COL5A1: variants seen among roughly 807,000 people sequenced by gnomAD.
COL5A1 encodes collagen alpha-1(V) chain.
COL5A1 carries 16 observed loss-of-function variants against 263.7 expected under a neutral mutation model. That is an observed-to-expected ratio of 0.06 (90% confidence interval 0.04 to 0.09). COL5A1 has a LOEUF of 0.09. Ranked by LOEUF, COL5A1 falls within the 10% of genes least tolerant of loss-of-function variation. COL5A1 has a pLI of 1.00. For missense variants in COL5A1, 2,036 were observed against 2,540.5 expected, an observed-to-expected ratio of 0.80 and a Z score of 4.27; for synonymous variants, 1,012 against 1,004.5, an observed-to-expected ratio of 1.01 and a Z score of -0.14.
intron 1 of COL5A1, among the ~76,000 whole-genome samples, chr9:134,674,386 G>T (rs959020950): frequency 6.6e-6 from 1 of 152,116 alleles, no homozygotes; most frequent in Non-Finnish European, 1.5e-5. Flanking sequence ...CACGAAAGAC[G>T]CAGGGGACAC....
In COL5A1 at chr9:134,713,702, T is replaced by A. The variant is rs538681166; in HGVS notation, c.654+12369T>A. ...TGGGTGTCAAACCCATTAACGATCA[T>A]CAGTGTGGTGTGGCGGCCACAGGAA... On this transcript the variant is annotated intron_variant, in intron 4 of 65. Transcript: ENST00000371817. Among the ~76,000 whole-genome samples the A allele has an allele frequency of 3.3e-5, 5 of 152,274 alleles. No individual in the cohort carries two copies. In the East Asian group the frequency reaches 9.6e-4, roughly 29 times the overall value.
At chr9:134,822,004 G>A in intron 58 of COL5A1, 93 bp from the exon 59 acceptor site, 1 of 1,108,028 alleles carries the variant, frequency 9.0e-7, no homozygotes. Context: ...GAAGGGACAG[G>A]GGAGCCGAGG....
intron 1 of COL5A1, among the ~76,000 whole-genome samples, chr9:134,662,091 C>CTT (rs1489620627): frequency 6.8e-6 from 1 of 146,988 alleles, no homozygotes; most frequent in East Asian, 2.0e-4. Context: ...TTACTGGGCT[C>CTT]TAAGTATGTG....
intron 2 of COL5A1, among the ~76,000 whole-genome samples, chr9:134,693,746 C>G (rs1311401919): frequency 6.6e-6 from 1 of 152,246 alleles, no homozygotes. Flanking sequence ...GGACTCTGTC[C>G]ACCCCACTTG....
intron 37 of COL5A1, among the ~76,000 whole-genome samples, chr9:134,800,603 G>A (rs1482910107): frequency 6.6e-6 from 1 of 152,100 alleles, no homozygotes; most frequent in East Asian, 1.9e-4. Flanking sequence ...AAATTAGCCA[G>A]GCATGGTGGC....
chr9:134,667,721 G>T (rs1484020196), intron 1 of COL5A1, among the ~76,000 whole-genome samples: 1 of 152,222 alleles, frequency 6.6e-6, no homozygotes, highest in African/African-American at 2.4e-5. Context: ...AGATTTGAAG[G>T]TCCTTCACCT....
At chr9:134,659,991 A>G (rs1003724221) in intron 1 of COL5A1, among the ~76,000 whole-genome samples, 1 of 152,228 alleles carries the variant, frequency 6.6e-6, no homozygotes, top group African/African-American at 2.4e-5. Context: ...GCCAGATGCT[A>G]TAGCAGATAA....
At chr9:134,826,740 GGTGTTCGGGT>G (rs1471613370) in intron 63 of COL5A1, among the ~76,000 whole-genome samples, 2 of 149,726 alleles carry the variant, frequency 1.3e-5, no homozygotes, top group African/African-American at 4.9e-5. Context: ...GTGTGTACAT[GGTGTTCGGGT>G]GTGTGTGGCT....
rs188398052 is a variant in COL5A1, at chr9:134,681,685, C to T, written c.110-9227C>T. Among the ~76,000 whole-genome samples, 104 of 152,278 alleles carry T rather than the reference C, an allele frequency of 6.8e-4. 1 individual carries two copies. Among genetic ancestry groups the T allele is most frequent in the African/African-American group, 2.5e-3 (103 of 41,542 alleles). On this transcript the variant is annotated intron_variant, in intron 1 of 65. Transcript: ENST00000371817. The surrounding 1 kb of genome is among the most constrained non-coding windows in gnomAD (Gnocchi z 4.3). The stretch of plus-strand genomic sequence containing the variant: ...GACCATGCTCACCTGCCCTGTACCT[C>T]GATTCCTCTTTCCCAATGAAGGCTC...
chr9:134,831,672 C>T (rs80184289), intron 64 of COL5A1, among the ~76,000 whole-genome samples: 1,701 of 152,326 alleles, frequency 0.011, 34 homozygotes, highest in African/African-American at 0.036. Context: ...GCCCTCTCCC[C>T]GCAATGACAG....
At position 134,728,651 on chromosome 9, in the gene COL5A1, G is replaced by T. The variant is rs953240116; in HGVS notation, c.787-19G>T. On this transcript the variant is annotated intron_variant, in intron 5 of 65. Transcript: ENST00000371817. ...TGCGGGCTCCGCTGCTTCCTCACGG[G>T]GCCGCAATTCGCTTTCAGTACACGG... is the stretch of plus-strand genomic sequence containing the variant. The T allele has an allele frequency of 3.1e-6, 5 of 1,613,702 alleles. No individual in the cohort carries two copies. The African/African-American group carries it at 5.3e-5, about 17-fold the overall frequency.
chr9:134,678,201 T>TC lies in COL5A1; in HGVS notation c.110-12710dup, dbSNP rs1359140017. Among the ~76,000 whole-genome samples, 8 of 152,176 alleles carry TC rather than the reference T, an allele frequency of 5.3e-5. No homozygotes were observed. Among genetic ancestry groups the TC allele is most frequent in the Non-Finnish European group, 1.0e-4 (7 of 68,044 alleles). ...CTGTCTGAAACTCAGGTGGTCTGTA[T>TC]CTCTGGTGGTCTGTGGCTCTGAAGC... On this transcript the variant is annotated intron_variant, in intron 1 of 65. Coordinates refer to ENST00000371817, the MANE Select transcript of COL5A1 (RefSeq NM_000093.5). The surrounding 1 kb of genome is among the most constrained non-coding windows in gnomAD (Gnocchi z 5.5).
chr9:134,750,453 G>A, intron 11 of COL5A1, 89 bp from the exon 12 acceptor site: 1 of 1,195,598 alleles, frequency 8.4e-7, no homozygotes. Context: ...TTCCCGGGTG[G>A]GCCGCTTCTC....
At chr9:134,828,916 GATACACACCACTCATCACACACACAGA>G (rs1159753637) in intron 63 of COL5A1, among the ~76,000 whole-genome samples, 1,979 of 151,148 alleles carry the variant, frequency 0.013, 39 homozygotes, top group African/African-American at 0.045. Context: ...AGCATACACA[GATACACACCACTCATCACACACACAGA>G]TGCGTACCAC....
chr9:134,689,477 C>T (rs576610316), intron 1 of COL5A1, among the ~76,000 whole-genome samples: 3 of 152,256 alleles, frequency 2.0e-5, no homozygotes, highest in Admixed American at 1.3e-4. Context: ...AGGGATACAC[C>T]GGTTTCTGTC....
chr9:134,713,636 C>T (rs1051245606), intron 4 of COL5A1, among the ~76,000 whole-genome samples: 9 of 152,158 alleles, frequency 5.9e-5, no homozygotes, highest in African/African-American at 1.9e-4. Flanking sequence ...CCAGGAGAAG[C>T]GGCAGTGAAG....
At chr9:134,720,492 C>T (rs898212867) in intron 4 of COL5A1, among the ~76,000 whole-genome samples, 40 of 152,196 alleles carry the variant, frequency 2.6e-4, no homozygotes, top group African/African-American at 9.4e-4. Context: ...AAGTCGTGAT[C>T]CTAGCTTTGT....
At chr9:134,762,806 G>A (rs902481722) in intron 19 of COL5A1, among the ~76,000 whole-genome samples, 6 of 152,058 alleles carry the variant, frequency 3.9e-5, no homozygotes, top group African/African-American at 1.2e-4. Context: ...AGCACAGTCT[G>A]CTGTAAGATG....
intron 1 of COL5A1, among the ~76,000 whole-genome samples, chr9:134,684,348 G>A (rs1046588622): frequency 5.3e-5 from 8 of 152,188 alleles, no homozygotes; most frequent in African/African-American, 1.2e-4. Flanking sequence ...GAAACAGAGC[G>A]TTGCTGGGCT....
Sources: allele counts gnomAD v4.1 joint callset (sites outside exome capture counted in the v4.1 genomes callset), GRCh38; gene constraint gnomAD v4.1.1; non-coding constraint Gnocchi (gnomAD v3.1); transcripts MANE v1.5; gene names NCBI Gene and HGNC (gene_info 2026-07-23, HGNC 2026-07-21).